Variants in EP300 observed in about 807,000 individuals in gnomAD.
EP300 encodes histone acetyltransferase p300.
A neutral mutation model predicts 264.0 loss-of-function variants in EP300; 31 were observed. The observed-to-expected ratio is 0.12, with a 90% confidence interval of 0.09 to 0.16. EP300 has a LOEUF of 0.16. EP300 is among the 10% of genes least tolerant of loss of function. EP300 has a pLI of 1.00. For missense variants in EP300, 2,766 were observed against 3,052.9 expected (o/e 0.91, Z 2.21); for synonymous variants, 1,340 against 1,045.4 (o/e 1.28, Z -5.44).
In EP300 at chr22:41,092,854, C is replaced by T. The variant is rs925201218; in HGVS notation, c.-151C>T. The T allele has an allele frequency of 3.6e-6, 3 of 838,130 alleles. No individual in the cohort carries two copies. The highest frequency in any genetic ancestry group is 1.4e-5 in the South Asian group (1 of 73,926). 51.9% of individuals were successfully genotyped at this position (838,130 alleles called of 1,614,324 possible). A position where few individuals can be genotyped will look rare whatever the true frequency, so the allele number is the denominator to read the frequency against. On this transcript the variant is annotated 5_prime_UTR_variant, in exon 1 of 31. Transcript: ENST00000263253. ...GCATCCCTCTCCAGCCACTGCGACC[C>T]GGCGAAGAGAAAAAGGAACTTCCCC...
intron 1 of EP300, among the ~76,000 whole-genome samples, chr22:41,104,949 G>C (rs766100338): frequency 6.6e-6 from 1 of 152,024 alleles, no homozygotes; most frequent in Non-Finnish European, 1.5e-5. Flanking sequence ...CAGATCACGA[G>C]GTCAGGAGAT....
Position 41,117,434 on chromosome 22 carries a change from A to G in EP300, c.342A>G (p.Gly114=). ...MASQAQQSSP[G]LGLINSMVKS... is the part of the protein sequence containing the mutation. ...GCCAGGCCCAACAGAGCAGTCCTGG[A>G]TTAGGTTTGATAAATAGCATGGTCA... Residue 114 remains glycine, a synonymous_variant, in exon 2 of 31, where the codon GGA becomes GGG. Coordinates refer to ENST00000263253, the MANE Select transcript of EP300 (RefSeq NM_001429.4). The G allele has an allele frequency of 1.2e-6, 2 of 1,614,134 alleles. No individual in the cohort carries two copies. The highest frequency in any genetic ancestry group is 1.7e-6 in the Non-Finnish European group (2 of 1,180,000).
At chr22:41,124,964 G>T (rs1281254751) in intron 2 of EP300, among the ~76,000 whole-genome samples, 1 of 151,992 alleles carries the variant, frequency 6.6e-6, no homozygotes, top group Non-Finnish European at 1.5e-5. Flanking sequence ...TTGAGACAGG[G>T]TCTCACTCTG....
intron 2 of EP300, among the ~76,000 whole-genome samples, chr22:41,120,737 A>C (rs567027933): frequency 2.0e-5 from 3 of 152,106 alleles, no homozygotes; most frequent in African/African-American, 7.2e-5. Context: ...TTTGTTTTTG[A>C]GACAGGATCT....
At chr22:41,109,725 CA>C (rs1373753929) in intron 1 of EP300, among the ~76,000 whole-genome samples, 4 of 149,682 alleles carry the variant, frequency 2.7e-5, no homozygotes, top group Non-Finnish European at 5.9e-5. Flanking sequence ...TTTTTTTTGG[CA>C]GGGGGAGGAG....
chr22:41,164,675 A>T (rs1015236393), intron 22 of EP300, among the ~76,000 whole-genome samples: 4 of 152,224 alleles, frequency 2.6e-5, no homozygotes, highest in Non-Finnish European at 5.9e-5. Context: ...AGATCACGCC[A>T]CTGCACTCCA....
chr22:41,111,200 T>C (rs1258280275), intron 1 of EP300, among the ~76,000 whole-genome samples: 1 of 151,992 alleles, frequency 6.6e-6, no homozygotes, highest in African/African-American at 2.4e-5. Flanking sequence ...GGTCTTAAAC[T>C]CCTGACCTCC....
chr22:41,153,253 T>C (rs1296714997), intron 16 of EP300, among the ~76,000 whole-genome samples: 1 of 152,188 alleles, frequency 6.6e-6, no homozygotes, highest in African/African-American at 2.4e-5. Context: ...TTTGTGGCTC[T>C]AGTGATCTGC....
At chr22:41,107,998 C>A (rs1189249584) in intron 1 of EP300, 1 of 152,190 alleles carries the variant, frequency 6.6e-6, no homozygotes. Context: ...CCACCACGCC[C>A]GGCCACCGAG....
intron 2 of EP300, among the ~76,000 whole-genome samples, chr22:41,122,092 T>G (rs2058855208): frequency 6.6e-6 from 1 of 152,058 alleles, no homozygotes; most frequent in Non-Finnish European, 1.5e-5. Flanking sequence ...CTGCATTCTA[T>G]TGCCCCTGCA....
intron 6 of EP300, among the ~76,000 whole-genome samples, chr22:41,131,973 G>A (rs575289305): frequency 2.7e-4 from 41 of 152,144 alleles, no homozygotes; most frequent in African/African-American, 9.6e-4. Context: ...CAAGGTGGGT[G>A]GATCACAAGG....
intron 13 of EP300, 150 bp downstream of exon 13, chr22:41,149,325 A>T: frequency 1.2e-6 from 1 of 865,994 alleles, no homozygotes; most frequent in Non-Finnish European, 1.9e-6. Flanking sequence ...TATTCTGAAC[A>T]TGAAGAGATT....
intron 1 of EP300, among the ~76,000 whole-genome samples, chr22:41,097,885 G>A (rs1345999445): frequency 6.6e-6 from 1 of 151,576 alleles, no homozygotes; most frequent in Non-Finnish European, 1.5e-5. Flanking sequence ...TAGTAGAGAC[G>A]GGGTTTCACC....
chr22:41,121,135 C>G (rs2058850022), intron 2 of EP300, among the ~76,000 whole-genome samples: 1 of 152,178 alleles, frequency 6.6e-6, no homozygotes, highest in Non-Finnish European at 1.5e-5. Context: ...GAGACCCCAT[C>G]TCTACTTTTC....
intron 21 of EP300, 129 bp from the exon 22 acceptor site, chr22:41,163,924 T>C: frequency 2.2e-6 from 2 of 893,556 alleles, no homozygotes; most frequent in South Asian, 2.7e-5. Context: ...AAATAGAAAC[T>C]TTATTAAAAC....
chr22:41,105,826 C>G (rs1176186239), intron 1 of EP300, among the ~76,000 whole-genome samples: 1 of 152,200 alleles, frequency 6.6e-6, no homozygotes, highest in Non-Finnish European at 1.5e-5. Context: ...TTTGCCCTTT[C>G]ACTCTATTGG....
rs556360738 is a variant in EP300 at position 41,157,772 on chromosome 22, C to T, written c.3501+364C>T. Among the ~76,000 whole-genome samples the T allele has an allele frequency of 1.6e-4, 24 of 152,228 alleles. No homozygotes were observed. In the South Asian group the frequency reaches 4.6e-3, roughly 29 times the overall value. ...CTGGGCTCAAGCAGTCCTCCTGCCTCGGCCTCCCAAAGTGCTGGAATTACA... is the reference window on the plus strand; with the variant it reads ...CTGGGCTCAAGCAGTCCTCCTGCCTTGGCCTCCCAAAGTGCTGGAATTACA... On this transcript the variant is annotated intron_variant, in intron 18 of 30. Coordinates refer to ENST00000263253, the MANE Select transcript of EP300 (RefSeq NM_001429.4).
At chr22:41,113,172 T>A (rs2058803466) in intron 1 of EP300, among the ~76,000 whole-genome samples, 1 of 81,102 alleles carries the variant, frequency 1.2e-5, no homozygotes, top group Non-Finnish European at 2.3e-5. Context: ...CCCCCCAACT[T>A]ATGCTATGGA....
chr22:41,135,974 G>T, intron 7 of EP300, 68 bp downstream of exon 7: 2 of 1,226,282 alleles, frequency 1.6e-6, no homozygotes, highest in South Asian at 2.4e-5. Context: ...TTCATTGTTT[G>T]ACTTTTGAAC....
Sources: allele counts gnomAD v4.1 joint callset (sites outside exome capture counted in the v4.1 genomes callset), GRCh38; gene constraint gnomAD v4.1.1; transcripts MANE v1.5; gene names NCBI Gene and HGNC (gene_info 2026-07-23, HGNC 2026-07-21).